NFATC2: variants seen among roughly 807,000 people sequenced by gnomAD.
The protein encoded by NFATC2 is nuclear factor of activated T cells 2.
In NFATC2, 22 loss-of-function variants were observed where a neutral mutation model predicts 87.3. That is an observed-to-expected ratio of 0.25 (90% CI 0.18 to 0.36). The LOEUF is 0.36. Among genes scored for constraint, NFATC2 ranks in the 10% least tolerant of loss-of-function variants. NFATC2 has a pLI of 1.00. For synonymous variants in NFATC2, 565 were observed against 542.2 expected (o/e 1.04, Z -0.58); for missense variants, 1,149 against 1,259.1 (o/e 0.91, Z 1.32).
intron 3 of NFATC2, among the ~76,000 whole-genome samples, chr20:51,483,615 C>CCACA (rs140017162): frequency 6.9e-6 from 1 of 145,880 alleles, no homozygotes; most frequent in African/African-American, 2.5e-5. Flanking sequence ...CTCCCCCCCA[C>CCACA]CACACACACA....
chr20:51,422,828 G>A (rs1033352130), intron 9 of NFATC2, among the ~76,000 whole-genome samples: 1 of 152,158 alleles, frequency 6.6e-6, no homozygotes, highest in Non-Finnish European at 1.5e-5. Context: ...ATCAAGGGTG[G>A]GAAGGGAAGG....
At chr20:51,397,231 A>G (rs1316916962) in intron 10 of NFATC2, among the ~76,000 whole-genome samples, 2 of 152,152 alleles carry the variant, frequency 1.3e-5, no homozygotes, top group Non-Finnish European at 2.9e-5. Context: ...GTTACTTGAA[A>G]CAGAGCTCTC....
At chr20:51,544,019 G>C (rs1051483958), upstream of NFATC2, among the ~76,000 whole-genome samples, 1 of 110,984 alleles carries the variant, frequency 9.0e-6, no homozygotes, top group Non-Finnish European at 1.7e-5. Context: ...ACGGAGTCTC[G>C]CTCTGTCGCC....
intron 10 of NFATC2, among the ~76,000 whole-genome samples, chr20:51,394,775 A>G (rs565694698): frequency 7.1e-6 from 1 of 141,050 alleles, no homozygotes; most frequent in East Asian, 1.9e-4. Context: ...TATTGCCATC[A>G]ACATTTTATT....
At position 51,398,541 on chromosome 20, in the gene NFATC2, C is replaced by CAGCCTGTCAAGTTTT. The variant is rs569803554; in HGVS notation, c.*44+87_*44+101dup. On this transcript the variant is annotated intron_variant, in intron 10 of 10. Transcript: ENST00000371564. The stretch of plus-strand genomic sequence containing the variant: ...CAGGAGAATGAGAAGAGAGGGCCTT[C>CAGCCTGTCAAGTTTT]AGCCTGTCAAGTTTTCTTATACTTT... 2.3e-4 allele frequency: 167 copies of CAGCCTGTCAAGTTTT among 723,114 alleles called. 3 individuals are homozygous for CAGCCTGTCAAGTTTT. The South Asian group carries it at 3.2e-3, about 14-fold the overall frequency. 44.8% of individuals were successfully genotyped at this position (723,114 alleles called of 1,614,324 possible).
chr20:51,417,158 T>C (rs541361002), intron 9 of NFATC2, among the ~76,000 whole-genome samples: 1 of 152,252 alleles, frequency 6.6e-6, no homozygotes, highest in African/African-American at 2.4e-5. Flanking sequence ...TCAGCCTGCT[T>C]TCACATCTAA....
chr20:51,458,677 G>T (rs1986826794), intron 5 of NFATC2, among the ~76,000 whole-genome samples: 1 of 151,858 alleles, frequency 6.6e-6, no homozygotes, highest in Non-Finnish European at 1.5e-5. Context: ...TGGGCGTGGT[G>T]GTGGCATGTG....
intron 1 of NFATC2, among the ~76,000 whole-genome samples, chr20:51,541,217 G>C (rs2076811334): frequency 6.6e-6 from 1 of 151,956 alleles, no homozygotes; most frequent in African/African-American, 2.4e-5. Flanking sequence ...TCCTTGACAG[G>C]CTTCCTCCAC....
chr20:51,465,177 C>T lies in NFATC2; in HGVS notation c.1708+8803G>A, dbSNP rs531583995. On this transcript the variant is annotated intron_variant, in intron 5 of 10. Coordinates refer to ENST00000371564, the MANE Select transcript of NFATC2 (RefSeq NM_012340.5). Reference sequence around the variant, plus strand: ...CCAAGGCAGGTGGATCATCTGAGGTCAGGAGTTTGAGACCAGCCTGGCCAA... The same window carrying T: ...CCAAGGCAGGTGGATCATCTGAGGTTAGGAGTTTGAGACCAGCCTGGCCAA... Among the ~76,000 whole-genome samples, 200 of 152,280 alleles carry T rather than the reference C, an allele frequency of 1.3e-3. 2 individuals carry two copies. Among genetic ancestry groups the T allele is most frequent in the Middle Eastern group, 6.8e-3 (2 of 294 alleles).
At chr20:51,483,234 CT>C (rs1240084847) in intron 3 of NFATC2, among the ~76,000 whole-genome samples, 1 of 152,214 alleles carries the variant, frequency 6.6e-6, no homozygotes, top group Non-Finnish European at 1.5e-5. Flanking sequence ...CTGCTCAGGG[CT>C]TTTTAAATAC....
At chr20:51,549,576 A>G (rs1215991378) in intron 1 of NFATC2, among the ~76,000 whole-genome samples, 2 of 152,380 alleles carry the variant, frequency 1.3e-5, no homozygotes, top group Non-Finnish European at 2.9e-5. Flanking sequence ...ACATTAAAGA[A>G]CAACCCAGAG....
chr20:51,558,336 T>A (rs1345517636), intron 1 of NFATC2, among the ~76,000 whole-genome samples: 1 of 152,096 alleles, frequency 6.6e-6, no homozygotes, highest in Non-Finnish European at 1.5e-5. Flanking sequence ...AGTGAGACCA[T>A]GTCTCAAAAA....
intron 5 of NFATC2, among the ~76,000 whole-genome samples, chr20:51,463,362 C>T (rs1400517144): frequency 1.3e-5 from 2 of 152,194 alleles, no homozygotes; most frequent in Admixed American, 1.3e-4. Flanking sequence ...AAAGTTGTAG[C>T]TGTGGGCCTC....
chr20:51,466,543 G>C (rs1205096869), intron 5 of NFATC2, among the ~76,000 whole-genome samples: 2 of 152,016 alleles, frequency 1.3e-5, no homozygotes, highest in Admixed American at 6.6e-5. Context: ...TTTCCACAGG[G>C]AAAACAATGG....
Position 51,424,893 on chromosome 20 carries a change from C to T in NFATC2, c.2722+7174G>A, listed in dbSNP as rs1009886898. On this transcript the variant is annotated intron_variant, in intron 9 of 10. Transcript: ENST00000371564. Reference sequence around the variant, plus strand: ...AAGCATTCATCCTCAAGGTGGATGACGTTGCTTCCACGGGGGTAAAAATTG... The same window carrying T: ...AAGCATTCATCCTCAAGGTGGATGATGTTGCTTCCACGGGGGTAAAAATTG... Among the ~76,000 whole-genome samples the T allele has an allele frequency of 6.7e-5, 10 of 150,344 alleles. No individual in the cohort carries two copies. The East Asian group carries it at 1.6e-3, about 24-fold the overall frequency.
intron 1 of NFATC2, among the ~76,000 whole-genome samples, chr20:51,533,894 C>T (rs1395044474): frequency 6.6e-6 from 1 of 152,222 alleles, no homozygotes; most frequent in African/African-American, 2.4e-5. Flanking sequence ...TAGATGGGGG[C>T]AGCAGGGCCC....
At chr20:51,398,795 G>A (rs529267653) in intron 9 of NFATC2, 65 bp from the exon 10 acceptor site, 116 of 1,112,678 alleles carry the variant, frequency 1.0e-4, no homozygotes, top group South Asian at 4.3e-4. Context: ...TCTCTCTTAC[G>A]CTTCCAACTC....
chr20:51,426,003 A>C (rs568765876), intron 9 of NFATC2, among the ~76,000 whole-genome samples: 1 of 152,198 alleles, frequency 6.6e-6, no homozygotes, highest in African/African-American at 2.4e-5. Flanking sequence ...CCCCTGGAGG[A>C]AGCGGGGGGA....
At chr20:51,450,322 TC>T (rs1985615605) in intron 6 of NFATC2, among the ~76,000 whole-genome samples, 2 of 152,120 alleles carry the variant, frequency 1.3e-5, no homozygotes, top group Admixed American at 1.3e-4. Context: ...GCAGCATGTA[TC>T]AACTGAATGA....
Sources: allele counts gnomAD v4.1 joint callset (sites outside exome capture counted in the v4.1 genomes callset), GRCh38; gene constraint gnomAD v4.1.1; transcripts MANE v1.5; gene names NCBI Gene and HGNC (gene_info 2026-07-23, HGNC 2026-07-21).